PDE1C: variants seen among roughly 807,000 people sequenced by gnomAD.
PDE1C encodes phosphodiesterase 1C, also known as dual specificity calcium/calmodulin-dependent 3',5'-cyclic nucleotide phosphodiesterase 1C.
Under a neutral mutation model 93.1 loss-of-function variants are expected in PDE1C, and 62 were observed. That is an observed-to-expected ratio of 0.67 (90% CI 0.54 to 0.82). The LOEUF is 0.82. PDE1C is among the 40% of genes least tolerant of loss of function. The pLI, the probability that PDE1C is intolerant of heterozygous loss-of-function variation, is 0.00. For synonymous variants in PDE1C, 325 were observed against 310.1 expected, an observed-to-expected ratio of 1.05 and a Z score of -0.50; for missense variants, 742 against 884.6, an observed-to-expected ratio of 0.84 and a Z score of 2.04.
At chr7:31,652,974 AGAG>A in the PDE1C span, 2 of 1,447,668 alleles carry the variant, frequency 1.4e-6, no homozygotes, top group African/African-American at 2.9e-5. Context: ...GTTAAACCCA[AGAG>A]GAGTTTAGAA....
intron 2 of PDE1C, among the ~76,000 whole-genome samples, chr7:31,952,728 G>A (rs1807563177): frequency 6.6e-6 from 1 of 152,138 alleles, no homozygotes; most frequent in South Asian, 2.1e-4. Flanking sequence ...CATTGCAAGG[G>A]CCACAAAAAT....
chr7:32,264,008 G>A (rs1274874490), intron 1 of PDE1C, among the ~76,000 whole-genome samples: 1 of 151,976 alleles, frequency 6.6e-6, no homozygotes, highest in Non-Finnish European at 1.5e-5. Flanking sequence ...AGTCTTTAAG[G>A]CCATGCAAAT....
At chr7:32,413,232 G>A (rs55661735) in intron 1 of PDE1C, among the ~76,000 whole-genome samples, 10,367 of 152,198 alleles carry the variant, frequency 0.068, 514 homozygotes, top group Non-Finnish European at 0.099. Flanking sequence ...TAAGATAAAT[G>A]AAAGGATAGG....
rs114849657 is a variant in PDE1C at position 32,220,894 on chromosome 7, C to T, written c.86-11355G>A. Among the ~76,000 whole-genome samples, 839 of 152,300 alleles carry T rather than the reference C, an allele frequency of 5.5e-3. 9 individuals are homozygous for T. Among genetic ancestry groups the T allele is most frequent in the African/African-American group, 0.019 (784 of 41,566 alleles). ...CATGGATCCCCTACAACATCCCAAA[C>T]AAGTGGGCCTCCAGCTCATGCCTGA... On this transcript the variant is annotated intron_variant, in intron 1 of 18. Coordinates refer to the PDE1C transcript ENST00000396193.
Position 32,147,984 on chromosome 7 carries a change from T to TAAAAAAAAAAAAAAAAAAAAAA in PDE1C, c.308+21800_308+21801insTTTTTTTTTTTTTTTTTTTTTT, listed in dbSNP as rs752433564. ...AACTTGCCTCTCAACCCATTTATGC[T>TAAAAAAAAAAAAAAAAAAAAAA]AAAAAAAAAAAAAAAAAAAAAGCCT... On this transcript the variant is annotated intron_variant, in intron 3 of 18. Coordinates refer to the PDE1C transcript ENST00000396193. Among the ~76,000 whole-genome samples, 47 of 79,708 alleles carry TAAAAAAAAAAAAAAAAAAAAAA rather than the reference T, an allele frequency of 5.9e-4. 5 individuals are homozygous for TAAAAAAAAAAAAAAAAAAAAAA. The highest frequency in any genetic ancestry group is 1.4e-3 in the East Asian group (2 of 1,430). The allele number at this position is 79,708 out of a possible 152,430, so 52.3% of individuals were successfully genotyped here.
At chr7:31,732,185 C>T in the PDE1C span, among the ~76,000 whole-genome samples, 1 of 152,170 alleles carries the variant, frequency 6.6e-6, no homozygotes, top group African/African-American at 2.4e-5. Flanking sequence ...TCTTTTCTGC[C>T]ATTCATTTGT....
chr7:32,209,378 CTATTT>C lies in PDE1C; in HGVS notation c.136+106_136+110del, dbSNP rs938928956. 66 of 897,324 alleles carry C rather than the reference CTATTT, an allele frequency of 7.4e-5. 1 individual carries two copies. In the Admixed American group the frequency reaches 1.8e-3, roughly 24 times the overall value. 55.6% of individuals were successfully genotyped at this position (897,324 alleles called of 1,614,324 possible). The stretch of plus-strand genomic sequence containing the variant: ...TAACCAGATGATATTTCCTGCATTA[CTATTT>C]TATTAACACCTGACAGAATTGAAGA... On this transcript the variant is annotated intron_variant, in intron 2 of 18. Transcript: ENST00000396193.
chr7:31,867,899 C>T (rs1042720612), intron 6 of PDE1C, among the ~76,000 whole-genome samples: 4 of 152,236 alleles, frequency 2.6e-5, no homozygotes, highest in Non-Finnish European at 4.4e-5. Flanking sequence ...CTAACAATTA[C>T]ACTCTAAGCT....
At chr7:31,960,598 A>G (rs2129030831) in intron 2 of PDE1C, among the ~76,000 whole-genome samples, 1 of 152,324 alleles carries the variant, frequency 6.6e-6, no homozygotes, top group African/African-American at 2.4e-5. Flanking sequence ...TTTAAGAGTA[A>G]GAGAGTACTG....
At chr7:32,146,802 G>A (rs1800865154) in intron 3 of PDE1C, among the ~76,000 whole-genome samples, 1 of 152,082 alleles carries the variant, frequency 6.6e-6, no homozygotes, top group Admixed American at 6.6e-5. Context: ...GAAAAAATGA[G>A]TTTTTATAGA....
chr7:31,914,964 G>T (rs2128946460), intron 2 of PDE1C, among the ~76,000 whole-genome samples: 1 of 152,250 alleles, frequency 6.6e-6, no homozygotes, highest in East Asian at 1.9e-4. Flanking sequence ...ATTTCGTCTA[G>T]TTCCTCCTAC....
At chr7:32,158,333 A>G (rs1163927841) in intron 3 of PDE1C, among the ~76,000 whole-genome samples, 1 of 152,144 alleles carries the variant, frequency 6.6e-6, no homozygotes, top group Non-Finnish European at 1.5e-5. Context: ...GCATGTCTGT[A>G]GCTCCTGTAC....
At chr7:32,201,377 T>C (rs1584947577) in intron 2 of PDE1C, among the ~76,000 whole-genome samples, 1 of 152,166 alleles carries the variant, frequency 6.6e-6, no homozygotes, top group Non-Finnish European at 1.5e-5. Flanking sequence ...TGGGGTTACA[T>C]TACATACAAA....
At chr7:32,101,016 AC>A (rs1163033569) in intron 3 of PDE1C, among the ~76,000 whole-genome samples, 4 of 151,918 alleles carry the variant, frequency 2.6e-5, no homozygotes, top group African/African-American at 9.7e-5. Context: ...TCCCACACTG[AC>A]CCCCCTTGCT....
intron 1 of PDE1C, among the ~76,000 whole-genome samples, chr7:32,264,572 T>C (rs1458962970): frequency 2.0e-5 from 3 of 152,186 alleles, no homozygotes; most frequent in Non-Finnish European, 4.4e-5. Flanking sequence ...TCAAACTGAG[T>C]GTCCACTGGG....
At chr7:32,203,960 C>T (rs1243504113) in intron 2 of PDE1C, among the ~76,000 whole-genome samples, 1 of 152,130 alleles carries the variant, frequency 6.6e-6, no homozygotes, top group Non-Finnish European at 1.5e-5. Context: ...TTCACCTTTT[C>T]ACTTAAAGAA....
intron 2 of PDE1C, among the ~76,000 whole-genome samples, chr7:31,902,871 C>T (rs1344061764): frequency 6.6e-6 from 1 of 151,442 alleles, no homozygotes; most frequent in Admixed American, 6.6e-5. Flanking sequence ...TGGGTAGGTA[C>T]ACTTACTTAT....
chr7:32,043,744 G>A (rs1321289834), intron 2 of PDE1C, among the ~76,000 whole-genome samples: 1 of 152,150 alleles, frequency 6.6e-6, no homozygotes, highest in Non-Finnish European at 1.5e-5. Context: ...ACTAAAAAAA[G>A]AAAAGAAAGG....
chr7:31,942,669 T>C (rs1806014886), intron 2 of PDE1C, among the ~76,000 whole-genome samples: 1 of 152,204 alleles, frequency 6.6e-6, no homozygotes. Flanking sequence ...AAGCAGGTGA[T>C]AATTACTTTC....
Sources: gnomAD v4.1 joint callset for allele counts (sites outside exome capture counted in the v4.1 genomes callset) on GRCh38, gnomAD v4.1.1 for gene constraint, MANE v1.5 for transcripts, NCBI Gene and HGNC (gene_info 2026-07-23, HGNC 2026-07-21) for gene names.